LARP4B: variants seen among roughly 807,000 people sequenced by gnomAD.
LARP4B encodes la-related protein 4B.
LARP4B carries 12 observed loss-of-function variants against 89.8 expected under a neutral mutation model. That is an observed-to-expected ratio of 0.13 (90% CI 0.09 to 0.22). The LOEUF is 0.22. Ranked by LOEUF, LARP4B falls within the 10% of genes least tolerant of loss-of-function variation. The pLI, the probability that LARP4B is intolerant of heterozygous loss-of-function variation, is 1.00. For missense variants in LARP4B, 757 were observed against 947.7 expected, an observed-to-expected ratio of 0.80 and a Z score of 2.64; for synonymous variants, 367 against 363.3, an observed-to-expected ratio of 1.01 and a Z score of -0.12.
chr10:911,843 G>C (rs1248899157), intron 1 of LARP4B, among the ~76,000 whole-genome samples: 1 of 152,212 alleles, frequency 6.6e-6, no homozygotes, highest in South Asian at 2.1e-4. Flanking sequence ...CCTGACTTTT[G>C]TGTGTGCAAT....
At chr10:908,891 G>A (rs1038040910) in intron 1 of LARP4B, among the ~76,000 whole-genome samples, 1 of 152,134 alleles carries the variant, frequency 6.6e-6, no homozygotes, top group Non-Finnish European at 1.5e-5. Flanking sequence ...GGTGGTGAGG[G>A]GCCGACCCAC....
intron 1 of LARP4B, among the ~76,000 whole-genome samples, chr10:886,090 A>G (rs1835848880): frequency 6.6e-6 from 1 of 152,228 alleles, no homozygotes; most frequent in South Asian, 2.1e-4. Context: ...TCCAAGATAT[A>G]TAAGGAACTC....
At chr10:837,388 C>G (rs775210137) in intron 7 of LARP4B, among the ~76,000 whole-genome samples, 4 of 152,142 alleles carry the variant, frequency 2.6e-5, no homozygotes. Flanking sequence ...TGGTAGAATG[C>G]GTGAATTCTT....
intron 1 of LARP4B, among the ~76,000 whole-genome samples, chr10:916,856 C>G (rs1002729381): frequency 6.6e-6 from 1 of 152,148 alleles, no homozygotes; most frequent in African/African-American, 2.4e-5. Flanking sequence ...ACCACCACAC[C>G]TGGCTAATTT....
chr10:909,164 G>T (rs550855536), intron 1 of LARP4B, among the ~76,000 whole-genome samples: 1 of 152,040 alleles, frequency 6.6e-6, no homozygotes, highest in South Asian at 2.1e-4. Flanking sequence ...CATGGTGGTG[G>T]GCACTTGTAG....
chr10:840,202 T>A (rs138006657), intron 7 of LARP4B, among the ~76,000 whole-genome samples: 1 of 152,240 alleles, frequency 6.6e-6, no homozygotes, highest in African/African-American at 2.4e-5. Context: ...ATGTTAAAAC[T>A]TACGAAATGT....
At chr10:935,058 C>A (rs2132084324), upstream of LARP4B, among the ~76,000 whole-genome samples, 1 of 152,366 alleles carries the variant, frequency 6.6e-6, no homozygotes, top group Admixed American at 6.5e-5. Context: ...CCCAGCCTGT[C>A]TTCAGCCCAG....
At position 809,578 on chromosome 10, in the gene LARP4B, AT is replaced by A. The variant is rs563996576; in HGVS notation, c.*3347del. 2.8e-3 allele frequency: 434 copies of A among 152,542 alleles called. 2 individuals are homozygous for A. Among genetic ancestry groups the A allele is most frequent in the Non-Finnish European group, 5.0e-3 (340 of 68,008 alleles). 9.4% of individuals were successfully genotyped at this position (152,542 alleles called of 1,614,324 possible). Reference sequence around the variant, plus strand: ...CTAAATCTTTATTTTCATAACCTACATTTTTTTTCAAATTAGACAGTTTTAC... The same window carrying A: ...CTAAATCTTTATTTTCATAACCTACATTTTTTTCAAATTAGACAGTTTTAC... On this transcript the variant is annotated 3_prime_UTR_variant, in exon 18 of 18. Transcript: ENST00000316157.
At chr10:916,494 G>C (rs562149474) in intron 1 of LARP4B, among the ~76,000 whole-genome samples, 1 of 152,070 alleles carries the variant, frequency 6.6e-6, no homozygotes, top group African/African-American at 2.4e-5. Context: ...TCAGGAGTTC[G>C]AGACCAGCCT....
At chr10:920,837 G>T (rs566197950) in intron 1 of LARP4B, among the ~76,000 whole-genome samples, 1 of 152,120 alleles carries the variant, frequency 6.6e-6, no homozygotes, top group Non-Finnish European at 1.5e-5. Flanking sequence ...GATAACGATG[G>T]AACTGATAAA....
At position 863,761 on chromosome 10, in the gene LARP4B, G is replaced by T. The variant is rs1361706148; in HGVS notation, c.412C>A (p.Pro138Thr). 6.2e-7 allele frequency: 1 copy of T among 1,609,854 alleles called. No individual in the cohort carries two copies. The highest frequency in any genetic ancestry group is 1.3e-5 in the African/African-American group (1 of 74,640). Residue 138 changes from proline (P) to threonine (T), a missense_variant, in exon 5 of 18, where the codon CCT becomes ACT. This residue lies in a region of LARP4B where 175 missense variants were observed against 187.0 expected (regional missense o/e 0.94). Transcript: ENST00000316157. Reference sequence around the variant, plus strand: ...TGTTTACCTGTCTCGCTATTTTCAGGCAGAGAGTCATATTCTGAGGGACCC... The same window carrying T: ...TGTTTACCTGTCTCGCTATTTTCAGTCAGAGAGTCATATTCTGAGGGACCC... The part of the protein sequence containing the change: ...ALGPSEYDSL[P>T]ENSETGGNES...
rs1831923589 is a variant in LARP4B, at chr10:814,569, T to C, written c.1929+173A>G. Reference sequence around the variant, plus strand: ...AAGAACTAGAGTAGTTAGTGGAAAATTATTAGCAAATATTAAAGGTATTTT... The same window carrying C: ...AAGAACTAGAGTAGTTAGTGGAAAACTATTAGCAAATATTAAAGGTATTTT... On this transcript the variant is annotated intron_variant, in intron 17 of 17. Transcript: ENST00000316157. The surrounding 1 kb of genome is among the most constrained non-coding windows in gnomAD (Gnocchi z 4.4). 12 of 1,445,396 alleles carry C rather than the reference T, an allele frequency of 8.3e-6. No individual in the cohort carries two copies. The East Asian group carries it at 3.0e-4, about 36-fold the overall frequency. The allele number at this position is 1,445,396 out of a possible 1,614,324, so 89.5% of individuals were successfully genotyped here.
At chr10:986,628 A>C in the LARP4B span, 13,080 of 152,338 alleles carry the variant, frequency 0.086, 708 homozygotes, top group Middle Eastern at 0.12. Context: ...ATGGTTGTGC[A>C]TTCACAGACA....
At chr10:876,007 C>A (rs1055347868) in intron 3 of LARP4B, among the ~76,000 whole-genome samples, 5 of 152,268 alleles carry the variant, frequency 3.3e-5, no homozygotes, top group Admixed American at 3.3e-4. Context: ...CAATTCACCC[C>A]AAGATCAATT....
In LARP4B at chr10:814,892, A is replaced by C. The variant is rs113570677; in HGVS notation, c.1821-42T>G. 908 of 1,580,360 alleles carry C rather than the reference A, an allele frequency of 5.7e-4. 2 individuals carry two copies. The African/African-American group carries it at 0.011, about 19-fold the overall frequency. On this transcript the variant is annotated intron_variant, in intron 16 of 17. Coordinates refer to ENST00000316157, the MANE Select transcript of LARP4B (RefSeq NM_015155.3). This position sits in a 1 kb window ranked among gnomAD's most constrained non-coding sequence, Gnocchi z 4.4. ...CGATATTTGAATCTCATGCAACATC[A>C]CAGGCCATTCAAGTCAGTCAACACC...
At chr10:980,242 G>A in the LARP4B span, among the ~76,000 whole-genome samples, 1 of 152,236 alleles carries the variant, frequency 6.6e-6, no homozygotes, top group Non-Finnish European at 1.5e-5. Flanking sequence ...ACCAGTTGGA[G>A]TTGAATGCTT....
At chr10:910,870 C>A (rs1836647635) in intron 1 of LARP4B, among the ~76,000 whole-genome samples, 1 of 152,242 alleles carries the variant, frequency 6.6e-6, no homozygotes, top group African/African-American at 2.4e-5. Context: ...CCCTTTTGCT[C>A]CTCCAGATGG....
intron 1 of LARP4B, among the ~76,000 whole-genome samples, chr10:911,904 T>C (rs1422107624): frequency 3.3e-5 from 5 of 152,228 alleles, no homozygotes; most frequent in Non-Finnish European, 7.3e-5. Flanking sequence ...GCTGACTGAA[T>C]AGTTGTTACT....
At chr10:948,994 C>T in the LARP4B span, among the ~76,000 whole-genome samples, 5 of 152,242 alleles carry the variant, frequency 3.3e-5, no homozygotes, top group African/African-American at 1.2e-4. Context: ...CGTCAGTCTT[C>T]GTTTTCTCCG....
Sources: allele counts gnomAD v4.1 joint callset (sites outside exome capture counted in the v4.1 genomes callset), GRCh38; gene constraint gnomAD v4.1.1; regional missense constraint gnomAD v4.1.1; non-coding constraint Gnocchi (gnomAD v3.1); transcripts MANE v1.5; gene names NCBI Gene and HGNC (gene_info 2026-07-23, HGNC 2026-07-21).